The following RELN variants were observed in gnomAD, a reference collection of about 807,000 sequenced individuals.
RELN encodes reelin.
RELN carries 108 observed loss-of-function variants against 427.6 expected under a neutral mutation model. That is an observed-to-expected ratio of 0.25 (90% confidence interval 0.22 to 0.30). RELN has a LOEUF of 0.30. RELN is among the 10% of genes least tolerant of loss of function. The pLI, the probability that RELN is intolerant of heterozygous loss-of-function variation, is 1.00. For synonymous variants in RELN, 1,524 were observed against 1,513.4 expected, an observed-to-expected ratio of 1.01 and a Z score of -0.16; for missense variants, 3,715 against 4,302.8, an observed-to-expected ratio of 0.86 and a Z score of 3.82.
At chr7:103,531,777 A>G (rs1022115047) in intron 46 of RELN, among the ~76,000 whole-genome samples, 5 of 151,684 alleles carry the variant, frequency 3.3e-5, no homozygotes, top group African/African-American at 1.2e-4. Flanking sequence ...TAAAAAAAAC[A>G]AAACAAAACA....
intron 38 of RELN, among the ~76,000 whole-genome samples, chr7:103,556,273 C>T (rs948027510): frequency 6.6e-6 from 1 of 151,962 alleles, no homozygotes; most frequent in Non-Finnish European, 1.5e-5. Flanking sequence ...ACTATGTATT[C>T]CCAAATAAAT....
At position 103,685,138 on chromosome 7, in the gene RELN, T is replaced by C. The variant is rs527574613; in HGVS notation, c.1144-2877A>G. Among the ~76,000 whole-genome samples the C allele has an allele frequency of 2.2e-4, 33 of 152,298 alleles. No homozygotes were observed. The South Asian group carries it at 6.8e-3, about 32-fold the overall frequency. On this transcript the variant is annotated intron_variant, in intron 10 of 64. Transcript: ENST00000428762. The stretch of plus-strand genomic sequence containing the variant: ...GCAAGATGTCTGATGCCACTTTTCT[T>C]ACAGGTAAGTTTGCATTGTATAACA...
At chr7:103,579,677 G>A (rs970379046) in intron 28 of RELN, among the ~76,000 whole-genome samples, 7 of 150,866 alleles carry the variant, frequency 4.6e-5, no homozygotes, top group South Asian at 2.1e-4. Flanking sequence ...GTTGTTTTGC[G>A]TGTCCCAGAT....
At position 103,814,349 on chromosome 7, in the gene RELN, A is replaced by G. The variant is rs77708755; in HGVS notation, c.473+19188T>C. On this transcript the variant is annotated intron_variant, in intron 3 of 64. Coordinates refer to ENST00000428762, the MANE Select transcript of RELN (RefSeq NM_005045.4). ...AGATGAAAGACGGATCACCTGACAG[A>G]TTTGTTCTGATTTGGAAGTTTATTC... 7.3e-3 allele frequency among the ~76,000 whole-genome samples: 1,108 copies of G among 152,272 alleles called. 18 individuals carry two copies. Among genetic ancestry groups the G allele is most frequent in the African/African-American group, 0.026 (1,063 of 41,564 alleles).
intron 8 of RELN, among the ~76,000 whole-genome samples, chr7:103,717,748 C>G (rs996577825): frequency 3.3e-5 from 5 of 151,690 alleles, no homozygotes; most frequent in Admixed American, 6.6e-5. Context: ...TAATAAGTTC[C>G]CCAAGGTCTT....
intron 1 of RELN, among the ~76,000 whole-genome samples, chr7:103,984,886 G>A (rs976411898): frequency 1.3e-5 from 2 of 152,104 alleles, no homozygotes; most frequent in African/African-American, 4.8e-5. Context: ...CCTTTGAAAG[G>A]AATTAAATCT....
intron 27 of RELN, among the ~76,000 whole-genome samples, chr7:103,591,589 T>C (rs1278756379): frequency 6.6e-6 from 1 of 152,190 alleles, no homozygotes; most frequent in Non-Finnish European, 1.5e-5. Flanking sequence ...GATTAAACTC[T>C]TCTAACACAA....
intron 1 of RELN, among the ~76,000 whole-genome samples, chr7:103,973,250 AAGAG>A (rs1796801449): frequency 1.3e-5 from 2 of 152,238 alleles, no homozygotes; most frequent in African/African-American, 4.8e-5. Context: ...TTACTGTAAT[AAGAG>A]AGAGTGTCTG....
intron 1 of RELN, among the ~76,000 whole-genome samples, chr7:103,950,375 T>C (rs1796309178): frequency 6.6e-6 from 1 of 152,168 alleles, no homozygotes; most frequent in Non-Finnish European, 1.5e-5. Flanking sequence ...TTTTACTATA[T>C]TCTAAAATAA....
At chr7:103,829,471 A>T (rs2116396962) in intron 3 of RELN, among the ~76,000 whole-genome samples, 1 of 152,086 alleles carries the variant, frequency 6.6e-6, no homozygotes, top group East Asian at 1.9e-4. Flanking sequence ...ATATAAAAGT[A>T]AAAACAAACC....
intron 50 of RELN, chr7:103,513,629 G>C (rs1442100566): frequency 6.6e-6 from 1 of 151,984 alleles, no homozygotes; most frequent in Non-Finnish European, 1.5e-5. Context: ...AATATTTGCT[G>C]TTACGTTATG....
chr7:103,874,172 ACT>A (rs1268343146), intron 2 of RELN, among the ~76,000 whole-genome samples: 65 of 134,398 alleles, frequency 4.8e-4, no homozygotes, highest in African/African-American at 1.6e-3. Flanking sequence ...CATGCTAAAA[ACT>A]CTCAATAAAT....
At chr7:103,582,079 TA>T (rs1831164162) in intron 28 of RELN, among the ~76,000 whole-genome samples, 1 of 152,348 alleles carries the variant, frequency 6.6e-6, no homozygotes, top group African/African-American at 2.4e-5. Context: ...ATTTTTCTTT[TA>T]AAAAGTAATT....
At chr7:103,915,654 G>A (rs1008306381) in intron 2 of RELN, among the ~76,000 whole-genome samples, 3 of 151,088 alleles carry the variant, frequency 2.0e-5, no homozygotes, top group Non-Finnish European at 4.4e-5. Context: ...AATCACCAAT[G>A]CTCAGGCCCT....
chr7:103,923,969 C>A (rs1795671123), intron 1 of RELN, among the ~76,000 whole-genome samples: 1 of 151,806 alleles, frequency 6.6e-6, no homozygotes, highest in South Asian at 2.1e-4. Flanking sequence ...ATAATTATAC[C>A]CCTTTTACCC....
chr7:103,710,192 C>G (rs952367596), intron 8 of RELN, among the ~76,000 whole-genome samples: 2 of 152,162 alleles, frequency 1.3e-5, no homozygotes, highest in Non-Finnish European at 2.9e-5. Flanking sequence ...GCAATATAGT[C>G]TGATGGCCAT....
intron 30 of RELN, 29 bp downstream of exon 30, chr7:103,574,063 G>T: frequency 1.3e-6 from 2 of 1,542,038 alleles, no homozygotes; most frequent in South Asian, 1.1e-5. Context: ...ATATGTTTGT[G>T]AAAAAGTATA....
At chr7:103,959,472 G>A (rs1416251557) in intron 1 of RELN, among the ~76,000 whole-genome samples, 1 of 152,112 alleles carries the variant, frequency 6.6e-6, no homozygotes, top group Admixed American at 6.6e-5. Flanking sequence ...AACTTAACAT[G>A]TTCAAAACTG....
At chr7:103,669,668 G>A (rs1401581179) in intron 11 of RELN, among the ~76,000 whole-genome samples, 1 of 151,824 alleles carries the variant, frequency 6.6e-6, no homozygotes, top group African/African-American at 2.4e-5. Context: ...GAGCTCTATA[G>A]TTCTGTCAAC....
Sources: gnomAD v4.1 joint callset for allele counts (sites outside exome capture counted in the v4.1 genomes callset) on GRCh38, gnomAD v4.1.1 for gene constraint, MANE v1.5 for transcripts, NCBI Gene and HGNC (gene_info 2026-07-23, HGNC 2026-07-21) for gene names.